SLC4A10: variants seen among roughly 807,000 people sequenced by gnomAD.
The protein encoded by SLC4A10 is sodium-driven chloride bicarbonate exchanger.
In SLC4A10, 42 loss-of-function variants were observed where a neutral mutation model predicts 137.7. That is an observed-to-expected ratio of 0.30 (90% confidence interval 0.24 to 0.39). The LOEUF is 0.39. Ranked by LOEUF, SLC4A10 falls within the 10% of genes least tolerant of loss-of-function variation. The pLI, the probability that SLC4A10 is intolerant of heterozygous loss-of-function variation, is 1.00. For synonymous variants in SLC4A10, 474 were observed against 464.1 expected, an observed-to-expected ratio of 1.02 and a Z score of -0.27; for missense variants, 925 against 1,355.0, an observed-to-expected ratio of 0.68 and a Z score of 4.98.
intron 15 of SLC4A10, among the ~76,000 whole-genome samples, chr2:161,933,733 G>A (rs1000021725): frequency 6.6e-6 from 1 of 152,146 alleles, no homozygotes; most frequent in African/African-American, 2.4e-5. Flanking sequence ...TCCATTGATG[G>A]GCACTTAGGT....
At chr2:161,724,538 C>T in intron 1 of SLC4A10, among the ~76,000 whole-genome samples, 1 of 152,142 alleles carries the variant, frequency 6.6e-6, no homozygotes, top group East Asian at 1.9e-4. Context: ...ATCTTTAGTG[C>T]AGCGTGCTAT....
chr2:161,736,266 C>T (rs938525121), intron 1 of SLC4A10, among the ~76,000 whole-genome samples: 2 of 152,144 alleles, frequency 1.3e-5, no homozygotes, highest in Non-Finnish European at 2.9e-5. Context: ...CTTGAAAGCA[C>T]AGAGCTGAGA....
Position 161,960,844 on chromosome 2 carries a change from G to A in SLC4A10, c.2862+2289G>A, listed in dbSNP as rs147027692. ...TTTTCTCCCCTAAGACCTTCAAAGG[G>A]AGTGTGGCCCTGGCAATATCTTGCT... On this transcript the variant is annotated intron_variant, in intron 21 of 26. Coordinates refer to ENST00000446997, the MANE Select transcript of SLC4A10 (RefSeq NM_001178015.2). Among the ~76,000 whole-genome samples the A allele has an allele frequency of 5.3e-5, 8 of 152,294 alleles. No individual in the cohort carries two copies. In the East Asian group the frequency reaches 1.3e-3, roughly 26 times the overall value.
chr2:161,694,760 A>G lies in SLC4A10; in HGVS notation c.48+70194A>G, dbSNP rs367853069. Among the ~76,000 whole-genome samples the G allele has an allele frequency of 8.9e-4, 135 of 152,228 alleles. 3 individuals carry two copies. The South Asian group carries it at 0.017, about 20-fold the overall frequency. On this transcript the variant is annotated intron_variant, in intron 1 of 26. Coordinates refer to ENST00000446997, the MANE Select transcript of SLC4A10 (RefSeq NM_001178015.2). ...ATTTTAAATTGAAATGGTAACCATC[A>G]GTCAACAGAAAATAAAGTTGCACAA...
intron 26 of SLC4A10, 83 bp downstream of exon 26, chr2:161,977,843 G>GTCC: frequency 7.5e-7 from 1 of 1,325,060 alleles, no homozygotes; most frequent in Non-Finnish European, 1.0e-6. Context: ...GTCAGTCTAT[G>GTCC]TCCTCTGTGT....
chr2:161,834,634 ACAT>A (rs2058645279), intron 3 of SLC4A10, among the ~76,000 whole-genome samples: 1 of 151,308 alleles, frequency 6.6e-6, no homozygotes, highest in Non-Finnish European at 1.5e-5. Flanking sequence ...TTTATTAGAA[ACAT>A]CAGGGAAAGA....
intron 11 of SLC4A10, among the ~76,000 whole-genome samples, chr2:161,900,402 A>G (rs1682800729): frequency 6.6e-6 from 1 of 152,126 alleles, no homozygotes; most frequent in South Asian, 2.1e-4. Flanking sequence ...TTCTTTGAAC[A>G]GTTAAACTAT....
At chr2:161,660,070 AATGT>A (rs909525758) in intron 1 of SLC4A10, among the ~76,000 whole-genome samples, 2 of 152,068 alleles carry the variant, frequency 1.3e-5, no homozygotes, top group Admixed American at 6.6e-5. Flanking sequence ...GGGTGATGGA[AATGT>A]TCTAAAATTG....
chr2:161,829,811 T>C (rs1325015119), intron 3 of SLC4A10, among the ~76,000 whole-genome samples: 1 of 152,004 alleles, frequency 6.6e-6, no homozygotes, highest in East Asian at 1.9e-4. Context: ...GGCCTCACAA[T>C]CATGGCGGGA....
chr2:161,845,549 C>G (rs529728648), intron 4 of SLC4A10, among the ~76,000 whole-genome samples: 43 of 152,078 alleles, frequency 2.8e-4, no homozygotes, highest in African/African-American at 8.2e-4. Flanking sequence ...CCATTCTTTT[C>G]TCAGAGAATT....
At chr2:161,926,415 A>T (rs1575673668) in intron 15 of SLC4A10, among the ~76,000 whole-genome samples, 2 of 112,662 alleles carry the variant, frequency 1.8e-5, no homozygotes, top group Admixed American at 1.0e-4. Flanking sequence ...TTTTTGGTAG[A>T]TCTTCCTCCA....
intron 4 of SLC4A10, among the ~76,000 whole-genome samples, chr2:161,850,121 G>A (rs995429356): frequency 2.6e-5 from 4 of 152,022 alleles, no homozygotes; most frequent in Non-Finnish European, 5.9e-5. Flanking sequence ...CCAGGTACAC[G>A]GCTCACACCT....
chr2:161,763,476 G>T (rs1454904694), intron 1 of SLC4A10, among the ~76,000 whole-genome samples: 2 of 152,110 alleles, frequency 1.3e-5, no homozygotes, highest in African/African-American at 4.8e-5. Context: ...GCAGGATAAA[G>T]GGAAATCAAC....
At chr2:161,641,018 C>G (rs966567612) in intron 1 of SLC4A10, among the ~76,000 whole-genome samples, 1 of 152,134 alleles carries the variant, frequency 6.6e-6, no homozygotes, top group African/African-American at 2.4e-5. Flanking sequence ...CAGATCCTCT[C>G]TAGATACCAT....
chr2:161,883,393 A>G (rs1408019984), intron 10 of SLC4A10, among the ~76,000 whole-genome samples: 1 of 152,190 alleles, frequency 6.6e-6, no homozygotes, highest in African/African-American at 2.4e-5. Context: ...GTTAAATATT[A>G]TAAATTCTTC....
chr2:161,896,541 C>A (rs1559485292), intron 11 of SLC4A10, among the ~76,000 whole-genome samples: 1 of 151,992 alleles, frequency 6.6e-6, no homozygotes, highest in Non-Finnish European at 1.5e-5. Context: ...TTCTTCCTAT[C>A]CATGAGAGAA....
Position 161,783,122 on chromosome 2 carries a change from G to A in SLC4A10, c.130+12068G>A, listed in dbSNP as rs991148413. On this transcript the variant is annotated intron_variant, in intron 2 of 26. Transcript: ENST00000446997. ...CGGGTACAAGGGAAATTTCATAAGA[G>A]TATAAGTAGATTTTTCTTCAGCAAC... Among the ~76,000 whole-genome samples the A allele has an allele frequency of 3.9e-5, 6 of 151,980 alleles. No homozygotes were observed. In the East Asian group the frequency reaches 7.7e-4, roughly 20 times the overall value.
intron 3 of SLC4A10, among the ~76,000 whole-genome samples, chr2:161,816,984 G>A (rs773241925): frequency 3.3e-4 from 50 of 152,156 alleles, no homozygotes; most frequent in Non-Finnish European, 5.3e-4. Flanking sequence ...TAGTCCTTTG[G>A]GTATATACCC....
At chr2:161,861,735 A>G (rs1400134668) in intron 5 of SLC4A10, among the ~76,000 whole-genome samples, 1 of 152,194 alleles carries the variant, frequency 6.6e-6, no homozygotes, top group Non-Finnish European at 1.5e-5. Flanking sequence ...GCCTTATGTC[A>G]TTAGTCTTGG....
Sources: gnomAD v4.1 joint callset for allele counts (sites outside exome capture counted in the v4.1 genomes callset) on GRCh38, gnomAD v4.1.1 for gene constraint, MANE v1.5 for transcripts, NCBI Gene and HGNC (gene_info 2026-07-23, HGNC 2026-07-21) for gene names.